DCTN4: variants seen among roughly 807,000 people sequenced by gnomAD.
The protein encoded by DCTN4 is dynactin 4 (p62).
Under a neutral mutation model 62.7 loss-of-function variants are expected in DCTN4, and 23 were observed. That is an observed-to-expected ratio of 0.37 (90% confidence interval 0.26 to 0.52). DCTN4 has a LOEUF of 0.52. Among genes scored for constraint, DCTN4 ranks in the 20% least tolerant of loss-of-function variants. The probability of loss-of-function intolerance (pLI) is 0.92; values close to 1 mark genes in which losing one functional copy is unlikely to be tolerated. For missense variants in DCTN4, 514 were observed against 580.4 expected (o/e 0.89, Z 1.18); for synonymous variants, 199 against 202.1 (o/e 0.98, Z 0.13).
intron 11 of DCTN4, among the ~76,000 whole-genome samples, chr5:150,715,942 C>T (rs187950508): frequency 7.2e-5 from 11 of 152,206 alleles, no homozygotes; most frequent in East Asian, 1.9e-4. Flanking sequence ...CTCACTCTGT[C>T]GCCCAGGCTA....
intron 6 of DCTN4, 81 bp downstream of exon 6, chr5:150,731,335 G>T (rs1760357708): frequency 1.7e-6 from 2 of 1,193,450 alleles, no homozygotes; most frequent in Non-Finnish European, 2.5e-6. Flanking sequence ...CTGTGTGTGT[G>T]TGTGTGTTTT....
At chr5:150,750,772 C>G (rs559403040) in intron 3 of DCTN4, among the ~76,000 whole-genome samples, 1 of 152,196 alleles carries the variant, frequency 6.6e-6, no homozygotes, top group South Asian at 2.1e-4. Flanking sequence ...ACACTGAATT[C>G]AGGATTGTGA....
chr5:150,750,949 T>C (rs953100514), intron 3 of DCTN4, among the ~76,000 whole-genome samples: 5 of 152,184 alleles, frequency 3.3e-5, no homozygotes, highest in African/African-American at 9.6e-5. Context: ...GAAGGTGACA[T>C]TGTATCCTCT....
intron 9 of DCTN4, among the ~76,000 whole-genome samples, chr5:150,722,578 A>G (rs886169923): frequency 1.3e-5 from 2 of 152,162 alleles, no homozygotes; most frequent in Non-Finnish European, 2.9e-5. Flanking sequence ...ATTATTTTTA[A>G]ATTTTTTTTG....
At chr5:150,720,007 C>T (rs1759902005) in intron 9 of DCTN4, among the ~76,000 whole-genome samples, 2 of 148,944 alleles carry the variant, frequency 1.3e-5, no homozygotes. Flanking sequence ...GCCCAGGCCC[C>T]AGATTAGCAT....
chr5:150,756,521 A>T (rs1436920669), intron 1 of DCTN4, 34 bp from the exon 2 acceptor site: 1 of 1,410,546 alleles, frequency 7.1e-7, no homozygotes. Flanking sequence ...AAAAAACCAG[A>T]GGAGAACTCA....
At chr5:150,746,673 G>A (rs548502152) in intron 3 of DCTN4, among the ~76,000 whole-genome samples, 338 of 152,184 alleles carry the variant, frequency 2.2e-3, no homozygotes, top group Non-Finnish European at 4.1e-3. Flanking sequence ...TATAAACAGA[G>A]CCAAAGACAA....
chr5:150,717,282 C>T (rs765433409), intron 11 of DCTN4, among the ~76,000 whole-genome samples: 9 of 152,076 alleles, frequency 5.9e-5, no homozygotes, highest in Non-Finnish European at 1.3e-4. Context: ...GGAGTCTCAC[C>T]TCAGCCGCCC....
intron 8 of DCTN4, among the ~76,000 whole-genome samples, chr5:150,730,414 T>C (rs1420036298): frequency 6.6e-6 from 1 of 152,252 alleles, no homozygotes; most frequent in Non-Finnish European, 1.5e-5. Context: ...TTTTCTACAT[T>C]TGTAAAACAG....
intron 8 of DCTN4, among the ~76,000 whole-genome samples, chr5:150,728,335 A>T (rs750626477): frequency 1.3e-5 from 2 of 152,208 alleles, no homozygotes; most frequent in Non-Finnish European, 2.9e-5. Context: ...ATCAACCTTT[A>T]TAAGTGTTCT....
intron 12 of DCTN4, among the ~76,000 whole-genome samples, chr5:150,712,541 C>T (rs1242990312): frequency 6.6e-6 from 1 of 152,240 alleles, no homozygotes; most frequent in Non-Finnish European, 1.5e-5. Flanking sequence ...GATCCTTCTG[C>T]CTTGGCCTCC....
At chr5:150,758,679 G>T in intron 1 of DCTN4, 180 bp downstream of exon 1, 1 of 1,294,646 alleles carries the variant, frequency 7.7e-7, no homozygotes, top group Non-Finnish European at 1.0e-6. Context: ...CCCACCCGAG[G>T]CTGCTCCTCC....
intron 3 of DCTN4, among the ~76,000 whole-genome samples, chr5:150,744,016 A>G (rs1422963108): frequency 6.6e-6 from 1 of 152,216 alleles, no homozygotes; most frequent in African/African-American, 2.4e-5. Flanking sequence ...AATTCGAACC[A>G]AAGGCAAAGA....
At chr5:150,758,080 T>C (rs985136450) in intron 1 of DCTN4, 6 of 985,068 alleles carry the variant, frequency 6.1e-6, no homozygotes, top group Non-Finnish European at 7.2e-6. Context: ...ACTAAGACTA[T>C]GGCTTATTAA....
intron 3 of DCTN4, among the ~76,000 whole-genome samples, chr5:150,744,538 G>GA (rs1379832638): frequency 6.6e-6 from 1 of 152,186 alleles, no homozygotes; most frequent in African/African-American, 2.4e-5. Flanking sequence ...GGCAGCCAGA[G>GA]AGAAAGGTCA....
At chr5:150,738,959 C>T (rs139732800) in intron 4 of DCTN4, among the ~76,000 whole-genome samples, 322 of 152,088 alleles carry the variant, frequency 2.1e-3, no homozygotes, top group African/African-American at 7.2e-3. Flanking sequence ...TTTGGGAGGC[C>T]GAGGTGGACA....
chr5:150,755,690 A>G (rs1752834599), intron 2 of DCTN4: 1 of 410,176 alleles, frequency 2.4e-6, no homozygotes, highest in Non-Finnish European at 4.8e-6. Context: ...CTCCTATCAC[A>G]CCACACCCAA....
At chr5:150,718,544 T>C (rs536441192) in intron 10 of DCTN4, among the ~76,000 whole-genome samples, 161 bp from the exon 11 acceptor site, 41 of 152,360 alleles carry the variant, frequency 2.7e-4, no homozygotes, top group African/African-American at 9.4e-4. Context: ...ATCCCTGTTC[T>C]ATTATCTATA....
chr5:150,718,754 G>C (rs1164201600), intron 10 of DCTN4, among the ~76,000 whole-genome samples: 2 of 152,198 alleles, frequency 1.3e-5, no homozygotes, highest in East Asian at 3.8e-4. Flanking sequence ...CCACAGGCCA[G>C]TCAGATGCAT....
Sources: gnomAD v4.1 joint callset for allele counts (sites outside exome capture counted in the v4.1 genomes callset) on GRCh38, gnomAD v4.1.1 for gene constraint, MANE v1.5 for transcripts, NCBI Gene and HGNC (gene_info 2026-07-23, HGNC 2026-07-21) for gene names.